LANCL2: variants seen among roughly 807,000 people sequenced by gnomAD.
LANCL2 encodes the protein LanC like glutathione S-transferase 2, also known as lanC-like protein 2.
Under a neutral mutation model 56.9 loss-of-function variants are expected in LANCL2, and 33 were observed. The observed-to-expected ratio is 0.58, with a 90% confidence interval of 0.44 to 0.78. The LOEUF is 0.78. Ranked by LOEUF, LANCL2 falls within the 30% of genes least tolerant of loss-of-function variation. LANCL2 has a pLI of 0.00. For synonymous variants in LANCL2, 233 were observed against 228.2 expected (o/e 1.02, Z -0.19); for missense variants, 562 against 580.2 (o/e 0.97, Z 0.32).
chr7:55,403,156 A>G (rs1340441443), intron 5 of LANCL2, among the ~76,000 whole-genome samples: 1 of 152,244 alleles, frequency 6.6e-6, no homozygotes, highest in Non-Finnish European at 1.5e-5. Context: ...ACCATTGAAC[A>G]CTGAGTGAGT....
intron 1 of LANCL2, among the ~76,000 whole-genome samples, chr7:55,384,072 G>A (rs192265299): frequency 6.6e-6 from 1 of 151,734 alleles, no homozygotes; most frequent in Admixed American, 6.6e-5. Context: ...ATTATCCAGT[G>A]TGCAAAACAG....
intron 8 of LANCL2, among the ~76,000 whole-genome samples, chr7:55,429,675 G>A (rs777601335): frequency 1.3e-5 from 2 of 152,230 alleles, no homozygotes; most frequent in Admixed American, 6.5e-5. Flanking sequence ...AGTCCTCTAT[G>A]TCATAAAAAT....
intron 5 of LANCL2, among the ~76,000 whole-genome samples, chr7:55,403,444 A>AGAGGGAGAG (rs1790366318): frequency 1.3e-5 from 2 of 150,414 alleles, no homozygotes; most frequent in African/African-American, 4.9e-5. Flanking sequence ...AAAGAGAGGG[A>AGAGGGAGAG]GAGGGAGAGG....
In LANCL2 at chr7:55,391,980, A is replaced by G. The variant is rs1003944975; in HGVS notation, c.322+70A>G. The stretch of plus-strand genomic sequence containing the variant: ...TTATGAGATGTAAGACTTGACTGAA[A>G]TTTTCTTCTCTTTTAAAATGGTAAA... On this transcript the variant is annotated intron_variant, in intron 2 of 8. Coordinates refer to ENST00000254770, the MANE Select transcript of LANCL2 (RefSeq NM_018697.4). The G allele has an allele frequency of 7.6e-6, 7 of 915,142 alleles. No homozygotes were observed. In the African/African-American group the frequency reaches 1.2e-4, roughly 15 times the overall value. The allele number at this position is 915,142 out of a possible 1,614,324, so 56.7% of individuals were successfully genotyped here.
chr7:55,423,594 A>G (rs1479181657), intron 6 of LANCL2, among the ~76,000 whole-genome samples: 1 of 152,234 alleles, frequency 6.6e-6, no homozygotes, highest in Non-Finnish European at 1.5e-5. Context: ...TACCGTAGAA[A>G]GAGTAATGGT....
At chr7:55,398,727 A>G (rs1274432976) in intron 3 of LANCL2, 97 bp downstream of exon 3, 4 of 949,590 alleles carry the variant, frequency 4.2e-6, no homozygotes, top group South Asian at 2.9e-5. Flanking sequence ...CCATTCATCC[A>G]TTGTTGTAAA....
At chr7:55,415,621 C>CTTTTTTTTCTTTTTTTTTT (rs71031852) in intron 6 of LANCL2, among the ~76,000 whole-genome samples, 3 of 111,768 alleles carry the variant, frequency 2.7e-5, no homozygotes, top group African/African-American at 6.3e-5. Context: ...GTTTTTCTTT[C>CTTTTTTTTCTTTTTTTTTT]TTTTTTTTGA....
intron 6 of LANCL2, among the ~76,000 whole-genome samples, chr7:55,422,482 A>C (rs529981227): frequency 1.3e-5 from 2 of 152,240 alleles, no homozygotes; most frequent in South Asian, 4.1e-4. Context: ...ACATGCCTAG[A>C]TGTATTTGTA....
intron 6 of LANCL2, among the ~76,000 whole-genome samples, chr7:55,413,422 A>G (rs1568821): frequency 0.64 from 97,146 of 152,146 alleles, 31,501 homozygotes; most frequent in Admixed American, 0.71. Flanking sequence ...AGGCTCAGCC[A>G]ACACAGCTGG....
intron 5 of LANCL2, among the ~76,000 whole-genome samples, chr7:55,403,528 CTG>C (rs2128994216): frequency 6.7e-6 from 1 of 148,868 alleles, no homozygotes; most frequent in South Asian, 2.1e-4. Context: ...GATTAGTTAT[CTG>C]TTCCCCACAC....
At chr7:55,428,286 C>G in intron 7 of LANCL2, 89 bp from the exon 8 acceptor site, 2 of 1,183,870 alleles carry the variant, frequency 1.7e-6, no homozygotes, top group Non-Finnish European at 2.5e-6. Context: ...GTCCACTTCC[C>G]TGATGCCTGT....
chr7:55,388,353 C>T (rs1790148300), intron 1 of LANCL2, among the ~76,000 whole-genome samples: 1 of 152,172 alleles, frequency 6.6e-6, no homozygotes, highest in African/African-American at 2.4e-5. Context: ...TGAGACCAGG[C>T]TGGCCAACAG....
intron 1 of LANCL2, among the ~76,000 whole-genome samples, chr7:55,382,317 T>C (rs537150759): frequency 4.4e-4 from 67 of 152,126 alleles, no homozygotes; most frequent in Middle Eastern, 6.8e-3. Context: ...AAGAGTCTCA[T>C]GGATATTTTA....
chr7:55,367,640 G>A (rs1190829239), intron 1 of LANCL2, among the ~76,000 whole-genome samples: 1 of 152,202 alleles, frequency 6.6e-6, no homozygotes, highest in African/African-American at 2.4e-5. Flanking sequence ...TATGAGAATC[G>A]CTTGAGCCTC....
intron 1 of LANCL2, among the ~76,000 whole-genome samples, chr7:55,374,082 C>T (rs1386089993): frequency 2.0e-5 from 3 of 152,206 alleles, no homozygotes; most frequent in Non-Finnish European, 2.9e-5. Context: ...CCACAAAATC[C>T]TGCTATCTCC....
At chr7:55,374,537 A>G (rs573722385) in intron 1 of LANCL2, among the ~76,000 whole-genome samples, 11 of 152,304 alleles carry the variant, frequency 7.2e-5, no homozygotes, top group African/African-American at 2.6e-4. Context: ...GTCAGAAGAT[A>G]TAGCTTCCCC....
rs866831515 is a variant in LANCL2, at chr7:55,402,420, G to A, written c.825+1100G>A. 3.3e-3 allele frequency among the ~76,000 whole-genome samples: 410 copies of A among 123,982 alleles called. 1 individual carries two copies. Among genetic ancestry groups the A allele is most frequent in the Middle Eastern group, 0.019 (3 of 160 alleles). 81.3% of individuals were successfully genotyped at this position (123,982 alleles called of 152,430 possible). On this transcript the variant is annotated intron_variant, in intron 5 of 8. Coordinates refer to ENST00000254770, the MANE Select transcript of LANCL2 (RefSeq NM_018697.4). ...TCCCGGACGGGGCGGCTGGCCGGGC[G>A]GGGGGCTGACCCCACCACCTCCCTC...
chr7:55,393,738 A>G (rs961301791), intron 2 of LANCL2, among the ~76,000 whole-genome samples: 1 of 152,294 alleles, frequency 6.6e-6, no homozygotes, highest in South Asian at 2.1e-4. Flanking sequence ...CAACATTTAC[A>G]TAGTGACATT....
intron 1 of LANCL2, among the ~76,000 whole-genome samples, chr7:55,385,505 A>G (rs879781169): frequency 6.6e-6 from 1 of 152,180 alleles, no homozygotes; most frequent in African/African-American, 2.4e-5. Context: ...GACATCACAC[A>G]TTGGTAGGAT....
Sources: gnomAD v4.1 joint callset for allele counts (sites outside exome capture counted in the v4.1 genomes callset) on GRCh38, gnomAD v4.1.1 for gene constraint, MANE v1.5 for transcripts, NCBI Gene and HGNC (gene_info 2026-07-23, HGNC 2026-07-21) for gene names.